The following C1orf87 variants were observed in gnomAD, a reference collection of about 807,000 sequenced individuals.
C1orf87 encodes the protein chromosome 1 open reading frame 87, also known as uncharacterized protein C1orf87.
A neutral mutation model predicts 60.5 loss-of-function variants in C1orf87; 58 were observed. The observed-to-expected ratio is 0.96, with a 90% confidence interval of 0.78 to 1.19. The LOEUF is 1.19. Among genes scored for constraint, C1orf87 ranks in the 50% most tolerant of loss-of-function variants. The pLI, the probability that C1orf87 is intolerant of heterozygous loss-of-function variation, is 0.00. For synonymous variants in C1orf87, 236 were observed against 227.4 expected, an observed-to-expected ratio of 1.04 and a Z score of -0.34; for missense variants, 673 against 638.6, an observed-to-expected ratio of 1.05 and a Z score of -0.58.
At chr1:60,072,053 A>T (rs1645587643) in intron 2 of C1orf87, among the ~76,000 whole-genome samples, 1 of 152,182 alleles carries the variant, frequency 6.6e-6, no homozygotes, top group Non-Finnish European at 1.5e-5. Context: ...TTGGAATAGA[A>T]GAAAGAGATC....
chr1:60,057,256 G>A (rs753859208), intron 2 of C1orf87, among the ~76,000 whole-genome samples: 11 of 152,182 alleles, frequency 7.2e-5, no homozygotes, highest in Non-Finnish European at 1.6e-4. Context: ...TAGCCATGAA[G>A]ATGTAGTCAG....
intron 11 of C1orf87, 108 bp downstream of exon 11, chr1:59,997,501 T>C: frequency 1.0e-6 from 1 of 970,476 alleles, no homozygotes; most frequent in Non-Finnish European, 1.6e-6. Context: ...GCACATGATT[T>C]ATATATTAAT....
intron 3 of C1orf87, 142 bp downstream of exon 3, chr1:60,055,062 G>A: frequency 1.3e-6 from 1 of 796,292 alleles, no homozygotes; most frequent in Non-Finnish European, 2.0e-6. Context: ...TTTTCAGATT[G>A]AAAAAAATTG....
chr1:60,034,893 G>GTATATAAC (rs1042275728), intron 6 of C1orf87, among the ~76,000 whole-genome samples: 2 of 150,274 alleles, frequency 1.3e-5, no homozygotes, highest in African/African-American at 4.9e-5. Flanking sequence ...CATTTTAGAT[G>GTATATAAC]TATATAACTT....
At chr1:59,998,480 C>A (rs1198504992) in intron 10 of C1orf87, among the ~76,000 whole-genome samples, 1 of 139,182 alleles carries the variant, frequency 7.2e-6, no homozygotes, top group African/African-American at 2.7e-5. Flanking sequence ...ATAGACACAT[C>A]AGTCCCAGCA....
chr1:60,060,821 A>G (rs1645491714), intron 2 of C1orf87, among the ~76,000 whole-genome samples: 1 of 152,222 alleles, frequency 6.6e-6, no homozygotes. Flanking sequence ...GATTACACCC[A>G]AGAGCTTTAC....
intron 7 of C1orf87, among the ~76,000 whole-genome samples, chr1:60,031,981 AACACACAC>A (rs56139918): frequency 2.0e-5 from 3 of 149,274 alleles, no homozygotes; most frequent in African/African-American, 7.4e-5. Context: ...ATAATATTCA[AACACACAC>A]ACACACACAC....
chr1:60,051,308 A>G (rs1574322571), intron 3 of C1orf87, among the ~76,000 whole-genome samples: 1 of 152,224 alleles, frequency 6.6e-6, no homozygotes, highest in East Asian at 1.9e-4. Context: ...AAGAGATAGC[A>G]TATATATCCC....
chr1:60,040,589 C>A (rs1475202378), intron 4 of C1orf87, among the ~76,000 whole-genome samples: 1 of 152,058 alleles, frequency 6.6e-6, no homozygotes, highest in Non-Finnish European at 1.5e-5. Flanking sequence ...AGCATAATGG[C>A]CCTTCCTGAG....
At chr1:60,000,841 C>T (rs1362060807) in intron 10 of C1orf87, among the ~76,000 whole-genome samples, 1 of 151,992 alleles carries the variant, frequency 6.6e-6, no homozygotes, top group Non-Finnish European at 1.5e-5. Context: ...GCAAGCCCAT[C>T]ACCACGTGAT....
chr1:60,034,991 A>G (rs995929710), intron 6 of C1orf87, among the ~76,000 whole-genome samples: 1 of 151,610 alleles, frequency 6.6e-6, no homozygotes, highest in African/African-American at 2.4e-5. Context: ...ATTCTGAACT[A>G]CTTAATAATA....
intron 10 of C1orf87, among the ~76,000 whole-genome samples, chr1:59,998,112 G>T (rs1246525214): frequency 6.9e-6 from 1 of 144,760 alleles, no homozygotes; most frequent in Non-Finnish European, 1.5e-5. Flanking sequence ...GGCTTTTCAT[G>T]ATGTTCTACT....
At chr1:60,067,015 T>G (rs573101363) in intron 2 of C1orf87, among the ~76,000 whole-genome samples, 2 of 152,330 alleles carry the variant, frequency 1.3e-5, no homozygotes, top group East Asian at 3.9e-4. Context: ...AACTCATCCC[T>G]TTTAATGACT....
intron 8 of C1orf87, among the ~76,000 whole-genome samples, chr1:60,023,410 A>G (rs1465473355): frequency 6.6e-6 from 1 of 152,004 alleles, no homozygotes; most frequent in Non-Finnish European, 1.5e-5. Context: ...TTTATTTTAC[A>G]TAGTGTCCGT....
intron 10 of C1orf87, among the ~76,000 whole-genome samples, chr1:59,999,281 C>T (rs564501535): frequency 4.6e-5 from 7 of 152,132 alleles, no homozygotes; most frequent in Admixed American, 1.3e-4. Context: ...TACGTCTTAA[C>T]GGATTCCTAT....
At chr1:60,039,766 C>T in intron 5 of C1orf87, 151 bp downstream of exon 5, 2 of 874,596 alleles carry the variant, frequency 2.3e-6, no homozygotes, top group Non-Finnish European at 3.5e-6. Context: ...CTAGAAATTT[C>T]TACACATGAA....
chr1:60,044,220 C>T (rs917870920), intron 3 of C1orf87, among the ~76,000 whole-genome samples: 15 of 151,868 alleles, frequency 9.9e-5, no homozygotes, highest in Non-Finnish European at 1.8e-4. Context: ...TTAGTAGAGA[C>T]GGGGTTTCAC....
In C1orf87 at chr1:60,025,425, T is replaced by C; in HGVS notation, c.1103A>G (p.Asp368Gly). The C allele has an allele frequency of 2.5e-6, 4 of 1,613,522 alleles. No individual in the cohort carries two copies. The highest frequency in any genetic ancestry group is 3.4e-6 in the Non-Finnish European group (4 of 1,179,650). ...SLLETLLNHQ[D>G]LGYQNEIKWQ... is the part of the protein sequence containing the mutation. ...CTTTATTTCATTTTGGTAACCCAAA[T>C]CTTGATGGTTAAGCAATGTTTCCAG... The change falls in exon 8 of 12, where the codon GAT (aspartate) becomes GGT (glycine). Residue 368 changes from aspartate to glycine, a missense_variant. Transcript: ENST00000371201.
intron 7 of C1orf87, among the ~76,000 whole-genome samples, chr1:60,031,548 C>T (rs1367901716): frequency 1.3e-5 from 2 of 152,064 alleles, no homozygotes; most frequent in Admixed American, 6.5e-5. Flanking sequence ...GAAGTGAGAC[C>T]CTCACCAAAC....
Sources: allele counts gnomAD v4.1 joint callset (sites outside exome capture counted in the v4.1 genomes callset), GRCh38; gene constraint gnomAD v4.1.1; transcripts MANE v1.5; gene names NCBI Gene and HGNC (gene_info 2026-07-23, HGNC 2026-07-21).